The following FHOD3 variants were observed in gnomAD, a reference collection of about 807,000 sequenced individuals.
The protein encoded by FHOD3 is FH1/FH2 domain-containing protein 3.
In FHOD3, 90 loss-of-function variants were observed where a neutral mutation model predicts 173.0. That is an observed-to-expected ratio of 0.52 (90% confidence interval 0.44 to 0.62). FHOD3 has a LOEUF of 0.62. FHOD3 is among the 20% of genes least tolerant of loss of function. The pLI, the probability that FHOD3 is intolerant of heterozygous loss-of-function variation, is 0.00. For missense variants in FHOD3, 1,945 were observed against 2,034.7 expected (o/e 0.96, Z 0.85); for synonymous variants, 828 against 823.0 (o/e 1.01, Z -0.10).
intron 20 of FHOD3, among the ~76,000 whole-genome samples, chr18:36,738,557 G>T (rs755163491): frequency 3.3e-5 from 5 of 152,140 alleles, no homozygotes; most frequent in Non-Finnish European, 7.4e-5. Flanking sequence ...TCTTCTAAAA[G>T]TTTCATAGTA....
intron 5 of FHOD3, among the ~76,000 whole-genome samples, chr18:36,553,432 G>C (rs562000448): frequency 1.3e-5 from 2 of 152,166 alleles, no homozygotes; most frequent in African/African-American, 4.8e-5. Context: ...GAATTCGGCT[G>C]TGAATCCATC....
In FHOD3 at chr18:36,709,091, C is replaced by T. The variant is rs1315273174; in HGVS notation, c.2237-4C>T. The T allele has an allele frequency of 6.2e-7, 1 of 1,611,554 alleles. No individual in the cohort carries two copies. Among genetic ancestry groups the T allele is most frequent in the Non-Finnish European group, 8.5e-7 (1 of 1,177,942 alleles). ...AATATAATCTCCATTGTTGTCTCCA[C>T]CAGCAAGTGCCGGGGATCCTGAACC... On this transcript the variant is annotated splice_region_variant and splice_polypyrimidine_tract_variant and intron_variant, in intron 17 of 28. Transcript: ENST00000590592.
At chr18:36,512,357 G>A (rs1273347981) in intron 4 of FHOD3, 81 bp from the exon 5 acceptor site, 5 of 1,039,462 alleles carry the variant, frequency 4.8e-6, no homozygotes, top group African/African-American at 4.7e-5. Context: ...TTAAAGGCTT[G>A]TACATAGTTT....
rs138635271 is a variant in FHOD3, at chr18:36,550,653, T to C, written c.512-25798T>C. On this transcript the variant is annotated intron_variant, in intron 5 of 28. Transcript: ENST00000590592. ...TAATTTTCAGTATACAGACATTACA[T>C]ATCTTTCATGTAATTCATCAATAAG... Among the ~76,000 whole-genome samples, 8 of 152,284 alleles carry C rather than the reference T, an allele frequency of 5.3e-5. No homozygotes were observed. The East Asian group carries it at 1.5e-3, about 29-fold the overall frequency.
chr18:36,769,434 C>T lies in FHOD3; in HGVS notation c.4786+8C>T. 6.2e-7 allele frequency: 1 copy of T among 1,613,610 alleles called. No individual in the cohort carries two copies. Among genetic ancestry groups the T allele is most frequent in the Non-Finnish European group, 8.5e-7 (1 of 1,179,792 alleles). ...GGGCCAACCGGAAATCTTGTGAGTG[C>T]ATTAAAGGAGGGGCGAGCCTTCACC... On this transcript the variant is annotated splice_region_variant and intron_variant, in intron 28 of 28. Transcript: ENST00000590592.
At chr18:36,593,856 A>G (rs1305403238) in intron 6 of FHOD3, among the ~76,000 whole-genome samples, 1 of 152,196 alleles carries the variant, frequency 6.6e-6, no homozygotes, top group Non-Finnish European at 1.5e-5. Flanking sequence ...GCCACTGACA[A>G]GCCAGCAGCT....
At chr18:36,477,594 CCTACCTAT>C (rs1280019203) in intron 3 of FHOD3, among the ~76,000 whole-genome samples, 5 of 118,630 alleles carry the variant, frequency 4.2e-5, no homozygotes, top group African/African-American at 6.2e-5. Context: ...TACCTACCTA[CCTACCTAT>C]CTACCTATCT....
At chr18:36,610,479 C>T (rs1433549750) in intron 8 of FHOD3, among the ~76,000 whole-genome samples, 2 of 152,196 alleles carry the variant, frequency 1.3e-5, no homozygotes, top group African/African-American at 2.4e-5. Flanking sequence ...CGTGGCGGCC[C>T]AAGTGTGAAC....
intron 17 of FHOD3, among the ~76,000 whole-genome samples, chr18:36,701,729 A>G (rs2039600140): frequency 6.6e-6 from 1 of 152,216 alleles, no homozygotes; most frequent in South Asian, 2.1e-4. Context: ...CAGCCCATGA[A>G]TGCAATCCCA....
intron 14 of FHOD3, among the ~76,000 whole-genome samples, chr18:36,661,403 A>T (rs1044938500): frequency 6.6e-6 from 1 of 152,170 alleles, no homozygotes; most frequent in Non-Finnish European, 1.5e-5. Flanking sequence ...TTATATATAC[A>T]TATATTATTA....
intron 1 of FHOD3, among the ~76,000 whole-genome samples, chr18:36,310,183 A>C (rs974556787): frequency 6.6e-6 from 1 of 152,226 alleles, no homozygotes; most frequent in African/African-American, 2.4e-5. Context: ...GTTGGTGCTT[A>C]GTTTTACACA....
At chr18:36,610,399 C>T (rs976472455) in intron 8 of FHOD3, among the ~76,000 whole-genome samples, 1 of 152,170 alleles carries the variant, frequency 6.6e-6, no homozygotes, top group South Asian at 2.1e-4. Flanking sequence ...CCCTGATGAC[C>T]GTTATTGCCT....
intron 19 of FHOD3, among the ~76,000 whole-genome samples, chr18:36,727,285 A>T (rs1453754296): frequency 1.3e-5 from 2 of 152,230 alleles, no homozygotes; most frequent in South Asian, 2.1e-4. Flanking sequence ...TTAGACATGG[A>T]TATAGGCACA....
intron 3 of FHOD3, among the ~76,000 whole-genome samples, chr18:36,443,987 C>T (rs1023119431): frequency 7.2e-5 from 11 of 152,088 alleles, no homozygotes; most frequent in African/African-American, 1.7e-4. Context: ...AGGCAGATCA[C>T]GAGGTCAGGA....
chr18:36,411,135 A>AT (rs1345266158), intron 3 of FHOD3, among the ~76,000 whole-genome samples: 2 of 152,144 alleles, frequency 1.3e-5, no homozygotes, highest in African/African-American at 4.8e-5. Flanking sequence ...GACTTTTATC[A>AT]TTTTAGCTCT....
chr18:36,372,317 G>A (rs887731598), intron 2 of FHOD3, among the ~76,000 whole-genome samples: 4 of 152,168 alleles, frequency 2.6e-5, no homozygotes, highest in Admixed American at 1.3e-4. Context: ...AAATAGCCAT[G>A]AGAATGATGA....
At chr18:36,452,677 G>A (rs775962065) in intron 3 of FHOD3, among the ~76,000 whole-genome samples, 14 of 152,118 alleles carry the variant, frequency 9.2e-5, no homozygotes, top group Non-Finnish European at 2.1e-4. Flanking sequence ...ATATTTCATA[G>A]AGGTGGAGTC....
intron 3 of FHOD3, among the ~76,000 whole-genome samples, chr18:36,482,854 C>CAGAGAG (rs1405818047): frequency 1.6e-3 from 158 of 97,932 alleles, no homozygotes; most frequent in African/African-American, 6.2e-3. Context: ...CACTCACACA[C>CAGAGAG]ACACAGAGAG....
chr18:36,348,600 T>A (rs1212108052), intron 1 of FHOD3, among the ~76,000 whole-genome samples: 1 of 152,148 alleles, frequency 6.6e-6, no homozygotes, highest in Non-Finnish European at 1.5e-5. Context: ...ACTTCGTGTG[T>A]TCTTGCCTCC....
Sources: gnomAD v4.1 joint callset for allele counts (sites outside exome capture counted in the v4.1 genomes callset) on GRCh38, gnomAD v4.1.1 for gene constraint, MANE v1.5 for transcripts, NCBI Gene and HGNC (gene_info 2026-07-23, HGNC 2026-07-21) for gene names.